The following DPP10 variants were observed in gnomAD, a reference collection of about 807,000 sequenced individuals.
DPP10 encodes dipeptidyl peptidase like 10, also known as inactive dipeptidyl peptidase 10.
In DPP10, 33 loss-of-function variants were observed where a neutral mutation model predicts 120.9. The observed-to-expected ratio is 0.27, with a 90% CI of 0.21 to 0.37. DPP10 has a LOEUF of 0.37. Among genes scored for constraint, DPP10 ranks in the 10% least tolerant of loss-of-function variants. The pLI is 1.00. For missense variants in DPP10, 816 were observed against 942.8 expected, an observed-to-expected ratio of 0.87 and a Z score of 1.76; for synonymous variants, 337 against 326.1, an observed-to-expected ratio of 1.03 and a Z score of -0.36.
At chr2:114,828,329 A>G (rs574211931) in intron 1 of DPP10, 2 of 152,374 alleles carry the variant, frequency 1.3e-5, no homozygotes, top group East Asian at 1.9e-4. Flanking sequence ...ATACAATTAT[A>G]TAATTCAACA....
intron 1 of DPP10, among the ~76,000 whole-genome samples, chr2:114,965,964 C>CAAAAAAAAAAAAAAAAAAAAAAAAAAA (rs57107624): frequency 2.3e-4 from 17 of 74,808 alleles, no homozygotes; most frequent in Non-Finnish European, 2.9e-4. Context: ...GACTCCTTCT[C>CAAAAAAAAAAAAAAAAAAAAAAAAAAA]AAAAAAAAAA....
At chr2:115,353,948 T>C (rs1289865885) in intron 3 of DPP10, among the ~76,000 whole-genome samples, 1 of 152,148 alleles carries the variant, frequency 6.6e-6, no homozygotes, top group Admixed American at 6.6e-5. Flanking sequence ...GAAAACAATA[T>C]TAAAGGAAAA....
At chr2:114,950,628 A>T (rs1274248497) in intron 1 of DPP10, among the ~76,000 whole-genome samples, 1 of 151,744 alleles carries the variant, frequency 6.6e-6, no homozygotes, top group Non-Finnish European at 1.5e-5. Context: ...ACAACTTAGA[A>T]CACCTTTGGG....
intron 1 of DPP10, among the ~76,000 whole-genome samples, chr2:114,629,478 C>T (rs1322631989): frequency 6.6e-6 from 1 of 152,024 alleles, no homozygotes. Context: ...GGACTTGGGT[C>T]GTTAACGGGT....
chr2:114,469,917 G>T (rs1897102), intron 1 of DPP10, among the ~76,000 whole-genome samples: 18,683 of 152,188 alleles, frequency 0.12, 2,688 homozygotes, highest in African/African-American at 0.35. Flanking sequence ...GAGAAAGACA[G>T]TTGGGGGACA....
At chr2:114,994,597 T>C (rs1015710726) in intron 1 of DPP10, among the ~76,000 whole-genome samples, 6 of 151,998 alleles carry the variant, frequency 3.9e-5, no homozygotes, top group African/African-American at 1.4e-4. Flanking sequence ...TCCCTCAGAG[T>C]CTCAACTGCC....
chr2:115,550,190 A>G (rs2079790016), intron 5 of DPP10, among the ~76,000 whole-genome samples: 1 of 152,184 alleles, frequency 6.6e-6, no homozygotes, highest in African/African-American at 2.4e-5. Context: ...TTATAAAAAT[A>G]CATAGTTATA....
At chr2:115,548,681 T>A (rs2079667601) in intron 5 of DPP10, among the ~76,000 whole-genome samples, 1 of 152,112 alleles carries the variant, frequency 6.6e-6, no homozygotes, top group Non-Finnish European at 1.5e-5. Context: ...GTTCAGTAAT[T>A]AGACACATAA....
intron 3 of DPP10, among the ~76,000 whole-genome samples, chr2:115,471,782 T>TTGTTG (rs1274984995): frequency 6.7e-6 from 1 of 149,768 alleles, no homozygotes; most frequent in Non-Finnish European, 1.5e-5. Flanking sequence ...TTTTTGTTTG[T>TTGTTG]TGTTGTTGTT....
intron 1 of DPP10, among the ~76,000 whole-genome samples, chr2:115,062,585 C>A (rs1056401663): frequency 2.0e-5 from 3 of 152,126 alleles, no homozygotes; most frequent in Non-Finnish European, 2.9e-5. Context: ...GTTCTTCTCC[C>A]TGTGTCTACG....
chr2:115,591,614 C>T (rs942241226), intron 5 of DPP10, among the ~76,000 whole-genome samples: 5 of 152,122 alleles, frequency 3.3e-5, no homozygotes, highest in East Asian at 1.9e-4. Context: ...GTTCTTTTGG[C>T]TTAGGATTGT....
At chr2:115,761,922 G>A (rs1271186599) in intron 11 of DPP10, among the ~76,000 whole-genome samples, 2 of 152,078 alleles carry the variant, frequency 1.3e-5, no homozygotes, top group African/African-American at 2.4e-5. Context: ...GATATTTCAT[G>A]TCATTACATG....
In DPP10 at chr2:114,664,715, G is replaced by C. The variant is rs184233410; in HGVS notation, c.60+221877G>C. On this transcript the variant is annotated intron_variant, in intron 1 of 25. Coordinates refer to ENST00000410059, the MANE Select transcript of DPP10 (RefSeq NM_020868.6). ...CACAGGCACAATCGGGGATGGAGAG[G>C]AACACAGATGGCATAGAGCATCCAA... Among the ~76,000 whole-genome samples the C allele has an allele frequency of 5.4e-4, 82 of 151,918 alleles. 2 individuals carry two copies. Among genetic ancestry groups the C allele is most frequent in the African/African-American group, 2.0e-3 (81 of 41,486 alleles).
chr2:114,967,837 G>A (rs1413308085), intron 1 of DPP10, among the ~76,000 whole-genome samples: 3 of 151,642 alleles, frequency 2.0e-5, no homozygotes, highest in Non-Finnish European at 2.9e-5. Flanking sequence ...CATTTTCCTT[G>A]CCTCTTCTAG....
At chr2:115,139,883 C>A (rs1239554348) in intron 1 of DPP10, among the ~76,000 whole-genome samples, 1 of 152,076 alleles carries the variant, frequency 6.6e-6, no homozygotes, top group Non-Finnish European at 1.5e-5. Flanking sequence ...TTGCCCCAAA[C>A]AGTCATAGGG....
At chr2:114,899,224 G>A (rs1007384375) in intron 1 of DPP10, among the ~76,000 whole-genome samples, 1 of 151,894 alleles carries the variant, frequency 6.6e-6, no homozygotes, top group Non-Finnish European at 1.5e-5. Context: ...TTTACAGCTA[G>A]TTGTCTATTT....
At chr2:114,737,604 A>G (rs1677577107) in intron 1 of DPP10, among the ~76,000 whole-genome samples, 1 of 152,200 alleles carries the variant, frequency 6.6e-6, no homozygotes, top group African/African-American at 2.4e-5. Context: ...TCCAGAGATC[A>G]GTGTGCTCTT....
At chr2:114,442,963 G>A (rs770881441) in intron 1 of DPP10, 125 bp downstream of exon 1, 1 of 1,208,022 alleles carries the variant, frequency 8.3e-7, no homozygotes, top group African/African-American at 1.5e-5. Context: ...TGAATTGAAG[G>A]TTGAGTCACA....
At chr2:114,828,113 G>T (rs946598704) in intron 1 of DPP10, among the ~76,000 whole-genome samples, 1 of 152,106 alleles carries the variant, frequency 6.6e-6, no homozygotes, top group African/African-American at 2.4e-5. Context: ...TTTGAAAAGA[G>T]TGGCATATTC....
Sources: gnomAD v4.1 joint callset for allele counts (sites outside exome capture counted in the v4.1 genomes callset) on GRCh38, gnomAD v4.1.1 for gene constraint, MANE v1.5 for transcripts, NCBI Gene and HGNC (gene_info 2026-07-23, HGNC 2026-07-21) for gene names.